The following CFAP97D1 variants were observed in gnomAD, a reference collection of about 807,000 sequenced individuals.
The protein encoded by CFAP97D1 is sperm axonemal maintenance protein CFAP97D1.
In CFAP97D1, 15 loss-of-function variants were observed where a neutral mutation model predicts 20.5. The observed-to-expected ratio is 0.73, with a 90% CI of 0.49 to 1.13. The LOEUF (loss-of-function observed/expected upper bound fraction) is 1.13, where lower values mean the gene tolerates loss of function less well. Among genes scored for constraint, CFAP97D1 ranks in the 50% most tolerant of loss-of-function variants. The pLI, the probability that CFAP97D1 is intolerant of heterozygous loss-of-function variation, is 0.00. For synonymous variants in CFAP97D1, 58 were observed against 71.2 expected, an observed-to-expected ratio of 0.82 and a Z score of 0.93; for missense variants, 168 against 202.9, an observed-to-expected ratio of 0.83 and a Z score of 1.04.
At position 43,787,175 on chromosome 17, in the gene CFAP97D1, C is replaced by T. The variant is rs1213006138; in HGVS notation, c.*2793C>T. The T allele has an allele frequency of 6.6e-6, 1 of 152,088 alleles. No individual in the cohort carries two copies. The highest frequency in any genetic ancestry group is 6.6e-5 in the Admixed American group (1 of 15,256). 9.4% of individuals were successfully genotyped at this position (152,088 alleles called of 1,614,324 possible). A position where few individuals can be genotyped will look rare whatever the true frequency, so the allele number is the denominator to read the frequency against. On this transcript the variant is annotated 3_prime_UTR_variant, in exon 6 of 6. Coordinates refer to ENST00000449302, the MANE Select transcript of CFAP97D1 (RefSeq NM_001136483.3). Reference sequence around the variant, plus strand: ...AGAGACAGGGTTTCACCATGTTGACCCGGCTGGTCTCAAATTCCTGACCTC... The same window carrying T: ...AGAGACAGGGTTTCACCATGTTGACTCGGCTGGTCTCAAATTCCTGACCTC...
At chr17:43,783,789 T>C (rs938921764) in intron 4 of CFAP97D1, 48 bp from the exon 5 acceptor site, 4 of 1,364,504 alleles carry the variant, frequency 2.9e-6, no homozygotes, top group African/African-American at 1.4e-5. Flanking sequence ...ACTTCAGTAA[T>C]AGCACCAATG....
chr17:43,787,521 CACTGGGGGA>C lies in CFAP97D1; in HGVS notation c.*3141_*3149del, dbSNP rs1280140046. The C allele has an allele frequency of 3.3e-5, 5 of 152,114 alleles. No individual in the cohort carries two copies. The highest frequency in any genetic ancestry group is 2.6e-4 in the Admixed American group (4 of 15,278). The allele number at this position is 152,114 out of a possible 1,614,324, so 9.4% of individuals were successfully genotyped here. On this transcript the variant is annotated 3_prime_UTR_variant, in exon 6 of 6. Transcript: ENST00000449302. The stretch of plus-strand genomic sequence containing the variant: ...ACCATATAGTTTTGCACTATGCTAC[CACTGGGGGA>C]ATCTGGTAAGGAGTTTACAGGATCT...
At chr17:43,780,918 T>G (rs148539103) in intron 1 of CFAP97D1, among the ~76,000 whole-genome samples, 1 of 152,344 alleles carries the variant, frequency 6.6e-6, no homozygotes, top group Non-Finnish European at 1.5e-5. Flanking sequence ...TCTGTAAATT[T>G]TATTTTCACT....
intron 1 of CFAP97D1, among the ~76,000 whole-genome samples, 198 bp downstream of exon 1, chr17:43,780,784 TA>T (rs1233096684): frequency 6.6e-6 from 1 of 152,146 alleles, no homozygotes; most frequent in African/African-American, 2.4e-5. Context: ...AATACTCCTT[TA>T]AACTCCTTAA....
chr17:43,785,257 TAGA>T lies in CFAP97D1; in HGVS notation c.*882_*884del, dbSNP rs903576639. ...ATTTAAGGGTGAGCCAGTGGTAGGG[TAGA>T]AGAAGACAGTTTTATTGAAGCAGCA... On this transcript the variant is annotated 3_prime_UTR_variant, in exon 6 of 6. Coordinates refer to ENST00000449302, the MANE Select transcript of CFAP97D1 (RefSeq NM_001136483.3). The T allele has an allele frequency of 1.1e-4, 16 of 152,132 alleles. No individual in the cohort carries two copies. The highest frequency in any genetic ancestry group is 2.9e-4 in the African/African-American group (12 of 41,392). 9.4% of individuals were successfully genotyped at this position (152,132 alleles called of 1,614,324 possible). A position where few individuals can be genotyped will look rare whatever the true frequency, so the allele number is the denominator to read the frequency against.
intron 5 of CFAP97D1, 147 bp downstream of exon 5, chr17:43,784,040 G>A: frequency 1.8e-6 from 1 of 560,672 alleles, no homozygotes; most frequent in Non-Finnish European, 3.1e-6. Flanking sequence ...CGGGAAACTT[G>A]GGGCTCTCTG....
chr17:43,783,765 C>T, intron 4 of CFAP97D1, 72 bp from the exon 5 acceptor site: 1 of 1,152,888 alleles, frequency 8.7e-7, no homozygotes, highest in South Asian at 1.3e-5. Context: ...TCTAAGTCAT[C>T]CCTGGGATTT....
At position 43,787,065 on chromosome 17, in the gene CFAP97D1, C is replaced by T. The variant is rs570856564; in HGVS notation, c.*2683C>T. On this transcript the variant is annotated 3_prime_UTR_variant, in exon 6 of 6. Coordinates refer to ENST00000449302, the MANE Select transcript of CFAP97D1 (RefSeq NM_001136483.3). The stretch of plus-strand genomic sequence containing the variant: ...CACTGCAACCTCCACCTCTGGGGTT[C>T]AAGCGATTCTCCTGCCTCAGCCTCC... 7.9e-4 allele frequency: 121 copies of T among 152,248 alleles called. No homozygotes were observed. Among genetic ancestry groups the T allele is most frequent in the African/African-American group, 2.9e-3 (120 of 41,538 alleles). 9.4% of individuals were successfully genotyped at this position (152,248 alleles called of 1,614,324 possible).
Position 43,787,596 on chromosome 17 carries a change from C to A in CFAP97D1, c.*3214C>A, listed in dbSNP as rs1172130386. ...TACATGCATGTGAATATACAATTAT[C>A]TCAAAATAAAAAGCTTAAAAAAAAC... On this transcript the variant is annotated 3_prime_UTR_variant, in exon 6 of 6. Transcript: ENST00000449302. 1.3e-5 allele frequency: 2 copies of A among 152,008 alleles called. No individual in the cohort carries two copies. Among genetic ancestry groups the A allele is most frequent in the African/African-American group, 4.8e-5 (2 of 41,380 alleles). The allele number at this position is 152,008 out of a possible 1,614,324, so 9.4% of individuals were successfully genotyped here.
Position 43,786,046 on chromosome 17 carries a change from G to T in CFAP97D1, c.*1664G>T, listed in dbSNP as rs942919375. 3 of 152,314 alleles carry T rather than the reference G, an allele frequency of 2.0e-5. No individual in the cohort carries two copies. Among genetic ancestry groups the T allele is most frequent in the African/African-American group, 7.2e-5 (3 of 41,438 alleles). The allele number at this position is 152,314 out of a possible 1,614,324, so 9.4% of individuals were successfully genotyped here. A position where few individuals can be genotyped will look rare whatever the true frequency, so the allele number is the denominator to read the frequency against. ...CAAAGGCTGAGAACCCACTAGGGGG[G>T]ACAAGGGTGCTGGTGTGAGTCTTGG... On this transcript the variant is annotated 3_prime_UTR_variant, in exon 6 of 6. Coordinates refer to ENST00000449302, the MANE Select transcript of CFAP97D1 (RefSeq NM_001136483.3).
chr17:43,781,047 G>C (rs1974467287), intron 1 of CFAP97D1, 72 bp from the exon 2 acceptor site: 1 of 1,149,636 alleles, frequency 8.7e-7, no homozygotes, highest in Admixed American at 2.0e-5. Flanking sequence ...ACATTGTCTA[G>C]TGCTGGTTTT....
chr17:43,781,711 G>C (rs1974476280), intron 2 of CFAP97D1, 63 bp from the exon 3 acceptor site: 2 of 1,044,496 alleles, frequency 1.9e-6, no homozygotes, highest in Non-Finnish European at 2.9e-6. Context: ...GGAACACTAA[G>C]TCATTGTGTG....
rs1312796665 is a variant in CFAP97D1 at position 43,786,921 on chromosome 17, C to CA, written c.*2542dup. On this transcript the variant is annotated 3_prime_UTR_variant, in exon 6 of 6. Transcript: ENST00000449302. ...ACAATATATTTAACCATACATCCAT[C>CA]AAAGGACATTGGGGTAGTTTCTAGT... The CA allele has an allele frequency of 6.6e-6, 1 of 151,782 alleles. No homozygotes were observed. 9.4% of individuals were successfully genotyped at this position (151,782 alleles called of 1,614,324 possible). A position where few individuals can be genotyped will look rare whatever the true frequency, so the allele number is the denominator to read the frequency against.
rs905032606 is a variant in CFAP97D1 at position 43,786,582 on chromosome 17, G to C, written c.*2200G>C. 6.6e-6 allele frequency: 1 copy of C among 152,110 alleles called. No homozygotes were observed. The highest frequency in any genetic ancestry group is 1.9e-4 in the East Asian group (1 of 5,186). The allele number at this position is 152,110 out of a possible 1,614,324, so 9.4% of individuals were successfully genotyped here. A position where few individuals can be genotyped will look rare whatever the true frequency, so the allele number is the denominator to read the frequency against. On this transcript the variant is annotated 3_prime_UTR_variant, in exon 6 of 6. Transcript: ENST00000449302. ...ACTCATTTTTGTACATATATGTATA[G>C]CTCTATGCGGTTTTTGCCACATGTA...
intron 1 of CFAP97D1, 110 bp from the exon 2 acceptor site, chr17:43,781,009 C>A: frequency 2.5e-6 from 2 of 784,896 alleles, no homozygotes; most frequent in Non-Finnish European, 2.1e-6. Flanking sequence ...CATTAAGGTC[C>A]TAATTCGAAA....
chr17:43,783,084 G>C (rs1164055716), intron 3 of CFAP97D1, 96 bp from the exon 4 acceptor site: 4 of 1,476,748 alleles, frequency 2.7e-6, no homozygotes, highest in Non-Finnish European at 2.8e-6. Flanking sequence ...CCTGCACTTA[G>C]ACAGTCTGGC....
At chr17:43,783,109 G>T in intron 3 of CFAP97D1, 71 bp from the exon 4 acceptor site, 2 of 1,539,162 alleles carry the variant, frequency 1.3e-6, no homozygotes, top group Middle Eastern at 1.7e-4. Flanking sequence ...ATGATCTCAT[G>T]ACTTCATCTC....
At chr17:43,781,576 C>T (rs562094367) in intron 2 of CFAP97D1, among the ~76,000 whole-genome samples, 198 bp from the exon 3 acceptor site, 11 of 152,316 alleles carry the variant, frequency 7.2e-5, no homozygotes, top group African/African-American at 2.4e-4. Flanking sequence ...CCGCCTGCCT[C>T]GGCCTCCCAA....
At chr17:43,782,062 C>A (rs189411851) in intron 3 of CFAP97D1, among the ~76,000 whole-genome samples, 170 bp downstream of exon 3, 5 of 152,296 alleles carry the variant, frequency 3.3e-5, no homozygotes. Flanking sequence ...GGGGACCTTT[C>A]TCTAGCATTA....
Sources: allele counts gnomAD v4.1 joint callset (sites outside exome capture counted in the v4.1 genomes callset), GRCh38; gene constraint gnomAD v4.1.1; transcripts MANE v1.5; gene names NCBI Gene and HGNC (gene_info 2026-07-23, HGNC 2026-07-21).